MARCHF1: variants seen among roughly 807,000 people sequenced by gnomAD.
The protein encoded by MARCHF1 is membrane associated ring-CH-type finger 1.
MARCHF1 carries 40 observed loss-of-function variants against 54.2 expected under a neutral mutation model. The observed-to-expected ratio is 0.74, with a 90% confidence interval of 0.57 to 0.96. MARCHF1 has a LOEUF of 0.96. Among genes scored for constraint, MARCHF1 ranks in the 40% least tolerant of loss-of-function variants. The pLI is 0.00. For missense variants in MARCHF1, 586 were observed against 656.5 expected (o/e 0.89, Z 1.17); for synonymous variants, 236 against 236.3 (o/e 1.00, Z 0.01).
At chr4:163,699,071 G>A (rs1294531195) in intron 5 of MARCHF1, among the ~76,000 whole-genome samples, 3 of 152,088 alleles carry the variant, frequency 2.0e-5, no homozygotes, top group South Asian at 2.1e-4. Flanking sequence ...GCGACACAGC[G>A]GTGACTTACA....
chr4:163,861,939 G>T (rs1358256963), intron 3 of MARCHF1, among the ~76,000 whole-genome samples: 1 of 152,008 alleles, frequency 6.6e-6, no homozygotes, highest in African/African-American at 2.4e-5. Flanking sequence ...ACTCATCTTT[G>T]AAGAAGGACC....
At chr4:164,099,491 TAGA>T (rs1326364506) in intron 2 of MARCHF1, among the ~76,000 whole-genome samples, 2 of 152,160 alleles carry the variant, frequency 1.3e-5, no homozygotes, top group African/African-American at 4.8e-5. Flanking sequence ...CTCTATTTCC[TAGA>T]AAAGTCTCCC....
intron 2 of MARCHF1, among the ~76,000 whole-genome samples, chr4:164,077,427 C>A (rs971166802): frequency 6.6e-6 from 1 of 152,072 alleles, no homozygotes; most frequent in African/African-American, 2.4e-5. Flanking sequence ...CATAAAAACC[C>A]TAGAAGAAAA....
intron 1 of MARCHF1, among the ~76,000 whole-genome samples, chr4:164,180,074 A>G (rs560633747): frequency 6.6e-6 from 1 of 151,616 alleles, no homozygotes; most frequent in Non-Finnish European, 1.5e-5. Context: ...GATTGAAATT[A>G]CAAGACTTTA....
At chr4:163,973,823 A>G (rs1752598284) in intron 3 of MARCHF1, among the ~76,000 whole-genome samples, 1 of 152,260 alleles carries the variant, frequency 6.6e-6, no homozygotes, top group South Asian at 2.1e-4. Context: ...TAGCCAGCCC[A>G]GTGCTTGGCT....
intron 4 of MARCHF1, among the ~76,000 whole-genome samples, chr4:163,802,869 A>G (rs1408555200): frequency 6.6e-6 from 1 of 152,210 alleles, no homozygotes; most frequent in Admixed American, 6.5e-5. Flanking sequence ...TATGTTACAG[A>G]GAGTTATTAT....
chr4:163,655,736 C>T (rs1743115331), intron 5 of MARCHF1, among the ~76,000 whole-genome samples: 1 of 151,826 alleles, frequency 6.6e-6, no homozygotes, highest in Admixed American at 6.6e-5. Context: ...CAAATTAGAA[C>T]TCAAGATTAA....
intron 1 of MARCHF1, among the ~76,000 whole-genome samples, chr4:164,225,381 T>A (rs1381485524): frequency 1.3e-5 from 2 of 152,082 alleles, no homozygotes; most frequent in Non-Finnish European, 1.5e-5. Flanking sequence ...TTGCCCATGA[T>A]GTCCAAATAA....
chr4:164,066,416 G>A (rs1287718407), intron 2 of MARCHF1, among the ~76,000 whole-genome samples: 1 of 152,158 alleles, frequency 6.6e-6, no homozygotes, highest in Non-Finnish European at 1.5e-5. Context: ...TACACTGTTG[G>A]TGGGAGTGTA....
chr4:164,312,319 C>CTTTTT lies in MARCHF1; in HGVS notation c.-323+71546_-323+71550dup, dbSNP rs34613860. Among the ~76,000 whole-genome samples the CTTTTT allele has an allele frequency of 2.1e-3, 212 of 103,380 alleles. 1 individual carries two copies. The highest frequency in any genetic ancestry group is 2.3e-3 in the African/African-American group (63 of 27,282). The allele number at this position is 103,380 out of a possible 152,430, so 67.8% of individuals were successfully genotyped here. A position where few individuals can be genotyped will look rare whatever the true frequency, so the allele number is the denominator to read the frequency against. ...AGCACCTGTGAATTATTTTCTTTTT[C>CTTTTT]TTTTTTTTTTTTTTTTTTTTTGAGA... On this transcript the variant is annotated intron_variant, in intron 1 of 9. Transcript: ENST00000514618.
At chr4:163,571,974 AC>A (rs1739855047) in intron 8 of MARCHF1, among the ~76,000 whole-genome samples, 1 of 152,098 alleles carries the variant, frequency 6.6e-6, no homozygotes, top group African/African-American at 2.4e-5. Flanking sequence ...GCTTCCAGTC[AC>A]TTTTCAGGAT....
At chr4:163,561,040 C>G (rs907191567) in intron 8 of MARCHF1, among the ~76,000 whole-genome samples, 5 of 151,982 alleles carry the variant, frequency 3.3e-5, no homozygotes, top group African/African-American at 1.2e-4. Context: ...CTGGCTAGAA[C>G]CTTCAATGAA....
At chr4:164,230,867 G>T (rs1223331628) in intron 1 of MARCHF1, among the ~76,000 whole-genome samples, 1 of 151,946 alleles carries the variant, frequency 6.6e-6, no homozygotes, top group Non-Finnish European at 1.5e-5. Context: ...TGCTTTTATT[G>T]TGCAGTATAC....
intron 4 of MARCHF1, among the ~76,000 whole-genome samples, chr4:163,707,882 G>A (rs1744995555): frequency 6.7e-6 from 1 of 150,116 alleles, no homozygotes; most frequent in South Asian, 2.1e-4. Flanking sequence ...TCTAGCTTCT[G>A]TTCTGGGCTG....
At chr4:163,628,240 A>G (rs1741942660) in intron 5 of MARCHF1, among the ~76,000 whole-genome samples, 1 of 152,200 alleles carries the variant, frequency 6.6e-6, no homozygotes, top group African/African-American at 2.4e-5. Flanking sequence ...AAATGCTCTA[A>G]AGATTTGAGT....
chr4:163,670,726 A>G (rs1270271489), intron 5 of MARCHF1, among the ~76,000 whole-genome samples: 2 of 152,188 alleles, frequency 1.3e-5, no homozygotes, highest in African/African-American at 4.8e-5. Context: ...CACTAATTCA[A>G]TGTATATTTA....
chr4:164,176,690 A>G (rs903581478), intron 1 of MARCHF1, among the ~76,000 whole-genome samples: 2 of 151,772 alleles, frequency 1.3e-5, no homozygotes, highest in Non-Finnish European at 2.9e-5. Flanking sequence ...TTGTGTTGCT[A>G]ATTTTATTTT....
At chr4:164,008,577 C>A (rs547580841) in intron 2 of MARCHF1, among the ~76,000 whole-genome samples, 1 of 152,100 alleles carries the variant, frequency 6.6e-6, no homozygotes, top group South Asian at 2.1e-4. Context: ...TACACCACAT[C>A]TTAGGCAAAA....
intron 1 of MARCHF1, among the ~76,000 whole-genome samples, chr4:164,370,188 T>C (rs887211907): frequency 6.6e-6 from 1 of 152,184 alleles, no homozygotes; most frequent in Non-Finnish European, 1.5e-5. Context: ...ACAGAGTGTA[T>C]GTCAGAAGCC....
Sources: gnomAD v4.1 joint callset for allele counts (sites outside exome capture counted in the v4.1 genomes callset) on GRCh38, gnomAD v4.1.1 for gene constraint, MANE v1.5 for transcripts, NCBI Gene and HGNC (gene_info 2026-07-23, HGNC 2026-07-21) for gene names.